ATP11B: variants seen among roughly 807,000 people sequenced by gnomAD.
ATP11B encodes ATPase phospholipid transporting 11B (putative).
In ATP11B, 81 loss-of-function variants were observed where a neutral mutation model predicts 157.8. The ratio of observed to expected loss-of-function variants is 0.51; its 90% CI spans 0.43 to 0.62. ATP11B has a LOEUF of 0.62. ATP11B is among the 20% of genes least tolerant of loss of function. ATP11B has a pLI of 0.00. For synonymous variants in ATP11B, 451 were observed against 469.4 expected, an observed-to-expected ratio of 0.96 and a Z score of 0.51; for missense variants, 1,165 against 1,402.2, an observed-to-expected ratio of 0.83 and a Z score of 2.70.
At chr3:182,819,833 A>G (rs1717215518) in intron 1 of ATP11B, among the ~76,000 whole-genome samples, 1 of 152,214 alleles carries the variant, frequency 6.6e-6, no homozygotes. Flanking sequence ...CACATCACTG[A>G]GTAGAAATCC....
At chr3:182,865,800 A>C in intron 13 of ATP11B, 102 bp downstream of exon 13, 4 of 841,950 alleles carry the variant, frequency 4.8e-6, no homozygotes, top group Middle Eastern at 2.9e-4. Flanking sequence ...TAGAGCAAGG[A>C]ATATACATTT....
chr3:182,855,732 A>G (rs772125705), intron 10 of ATP11B, among the ~76,000 whole-genome samples: 1 of 152,186 alleles, frequency 6.6e-6, no homozygotes, highest in African/African-American at 2.4e-5. Flanking sequence ...ATATTTCACC[A>G]CATGCATAAT....
At chr3:182,803,980 C>T (rs1345165228) in intron 1 of ATP11B, among the ~76,000 whole-genome samples, 3 of 152,124 alleles carry the variant, frequency 2.0e-5, no homozygotes, top group African/African-American at 7.2e-5. Context: ...GCAGAACCCC[C>T]ACCTTCTTTT....
chr3:182,869,192 A>G (rs763560987), intron 16 of ATP11B, 36 bp from the exon 17 acceptor site: 1 of 1,597,338 alleles, frequency 6.3e-7, no homozygotes, highest in Non-Finnish European at 8.6e-7. Context: ...TTTATGTAAT[A>G]TTAAGAGTCT....
chr3:182,797,188 C>T (rs1576937335), intron 1 of ATP11B, among the ~76,000 whole-genome samples: 1 of 152,258 alleles, frequency 6.6e-6, no homozygotes, highest in East Asian at 1.9e-4. Context: ...CATCAGTTAT[C>T]ATTAGTATGT....
intron 1 of ATP11B, among the ~76,000 whole-genome samples, chr3:182,818,736 T>C (rs1182096537): frequency 6.6e-6 from 1 of 152,192 alleles, no homozygotes; most frequent in Non-Finnish European, 1.5e-5. Flanking sequence ...CTGTGCTTAA[T>C]GGAAATGCTA....
At chr3:182,914,896 G>A (rs75860999) in intron 29 of ATP11B, 24,723 of 985,350 alleles carry the variant, frequency 0.025, 325 homozygotes, top group Middle Eastern at 0.029. Flanking sequence ...CAGGGCAGCA[G>A]TACACGGTAT....
intron 4 of ATP11B, among the ~76,000 whole-genome samples, chr3:182,833,473 G>A (rs937193918): frequency 2.0e-5 from 3 of 151,960 alleles, no homozygotes; most frequent in African/African-American, 2.4e-5. Context: ...CTACAGTTGC[G>A]TGCCACCACA....
At position 182,913,845 on chromosome 3, in the gene ATP11B, G is replaced by C. The variant is rs769143675; in HGVS notation, c.3319-16G>C. 4 of 1,613,838 alleles carry C rather than the reference G, an allele frequency of 2.5e-6. No individual in the cohort carries two copies. The South Asian group carries it at 4.4e-5, about 18-fold the overall frequency. ...TATCTTTAAACAACTGATGTTTTCT[G>C]CTTCACCTCCCGCAGCTTACTGAAA... On this transcript the variant is annotated splice_polypyrimidine_tract_variant and intron_variant, in intron 28 of 29. Coordinates refer to ENST00000323116, the MANE Select transcript of ATP11B (RefSeq NM_014616.3).
intron 6 of ATP11B, among the ~76,000 whole-genome samples, chr3:182,836,813 A>G (rs919054060): frequency 3.3e-5 from 5 of 152,148 alleles, no homozygotes; most frequent in African/African-American, 1.2e-4. Flanking sequence ...TTCCTATTAA[A>G]TTACTTATGA....
At chr3:182,801,376 CAG>C (rs1297900276) in intron 1 of ATP11B, among the ~76,000 whole-genome samples, 2 of 152,096 alleles carry the variant, frequency 1.3e-5, no homozygotes, top group South Asian at 4.1e-4. Flanking sequence ...GGAACAGAAA[CAG>C]ATGTTGTATA....
intron 1 of ATP11B, among the ~76,000 whole-genome samples, chr3:182,800,287 T>C (rs1180717598): frequency 1.3e-5 from 2 of 151,736 alleles, no homozygotes; most frequent in African/African-American, 4.8e-5. Flanking sequence ...AGTGATGTGA[T>C]CACAGCTCAC....
At chr3:182,883,083 C>T (rs1722537756) in intron 21 of ATP11B, among the ~76,000 whole-genome samples, 1 of 151,732 alleles carries the variant, frequency 6.6e-6, no homozygotes, top group African/African-American at 2.4e-5. Flanking sequence ...ATTGGTATAC[C>T]CTGCATTATT....
chr3:182,858,073 T>C, intron 11 of ATP11B, 45 bp downstream of exon 11: 1 of 1,539,246 alleles, frequency 6.5e-7, no homozygotes, highest in South Asian at 1.2e-5. Flanking sequence ...AAACTATTAC[T>C]TGGCACGATT....
At chr3:182,808,260 G>T (rs1716448740) in intron 1 of ATP11B, among the ~76,000 whole-genome samples, 1 of 152,160 alleles carries the variant, frequency 6.6e-6, no homozygotes. Context: ...GTTTACTATG[G>T]AGAGACTGTA....
chr3:182,891,620 A>T (rs1479676177), intron 25 of ATP11B, among the ~76,000 whole-genome samples: 1 of 152,188 alleles, frequency 6.6e-6, no homozygotes, highest in Admixed American at 6.5e-5. Flanking sequence ...TCTAATTTTT[A>T]GTAACTTTTT....
intron 25 of ATP11B, among the ~76,000 whole-genome samples, chr3:182,895,334 A>G (rs2108576315): frequency 6.6e-6 from 1 of 152,148 alleles, no homozygotes; most frequent in East Asian, 1.9e-4. Flanking sequence ...GCTCTCAAAT[A>G]AAGGAATATT....
intron 19 of ATP11B, among the ~76,000 whole-genome samples, chr3:182,877,332 C>A (rs553624858): frequency 1.3e-5 from 2 of 152,084 alleles, no homozygotes; most frequent in Non-Finnish European, 2.9e-5. Context: ...AAGAAGCAAA[C>A]GGGAGGCTGG....
At chr3:182,858,072 C>T in intron 11 of ATP11B, 44 bp downstream of exon 11, 1 of 1,544,556 alleles carries the variant, frequency 6.5e-7, no homozygotes, top group South Asian at 1.2e-5. Flanking sequence ...GAAACTATTA[C>T]TTGGCACGAT....
Sources: gnomAD v4.1 joint callset for allele counts (sites outside exome capture counted in the v4.1 genomes callset) on GRCh38, gnomAD v4.1.1 for gene constraint, MANE v1.5 for transcripts, NCBI Gene and HGNC (gene_info 2026-07-23, HGNC 2026-07-21) for gene names.